Variants in TMEM272 observed in about 807,000 individuals in gnomAD.
The protein encoded by TMEM272 is transmembrane protein 272.
In TMEM272, 8 loss-of-function variants were observed where a neutral mutation model predicts 3.7. The ratio of observed to expected loss-of-function variants is 2.17; its 90% CI spans 1.27 to 3.91. TMEM272 has a LOEUF of 3.91. Among genes scored for constraint, TMEM272 ranks in the 30% most tolerant of loss-of-function variants. The pLI, the probability that TMEM272 is intolerant of heterozygous loss-of-function variation, is 0.00. For synonymous variants in TMEM272, 63 were observed against 39.8 expected (o/e 1.58, Z -2.20); for missense variants, 166 against 91.5 (o/e 1.81, Z -3.32).
At position 51,814,550 on chromosome 13, in the gene TMEM272, G is replaced by A. The variant is rs1955999215; in HGVS notation, c.*2201C>T. Reference sequence around the variant, plus strand: ...TAGCTCACTGTAACCTCAAACCAGGGAAGATGTATGACCTATACAAAGAGA... The same window carrying A: ...TAGCTCACTGTAACCTCAAACCAGGAAAGATGTATGACCTATACAAAGAGA... On this transcript the variant is annotated 3_prime_UTR_variant, in exon 5 of 5. Transcript: ENST00000629372. 6.6e-6 allele frequency: 1 copy of A among 152,236 alleles called. No individual in the cohort carries two copies. The highest frequency in any genetic ancestry group is 2.4e-5 in the African/African-American group (1 of 41,448). 9.4% of individuals were successfully genotyped at this position (152,236 alleles called of 1,614,324 possible).
chr13:51,920,960 C>A, the TMEM272 span, among the ~76,000 whole-genome samples: 3 of 152,218 alleles, frequency 2.0e-5, no homozygotes, highest in Non-Finnish European at 4.4e-5. Context: ...TTCCTGCACT[C>A]CAATTATGGA....
chr13:51,831,339 G>A (rs948250618), intron 2 of TMEM272, among the ~76,000 whole-genome samples: 18 of 152,126 alleles, frequency 1.2e-4, no homozygotes, highest in African/African-American at 3.1e-4. Flanking sequence ...TGGAAGGATC[G>A]CTTGAACCCA....
At chr13:51,924,160 TGGGA>T in the TMEM272 span, among the ~76,000 whole-genome samples, 3,453 of 152,294 alleles carry the variant, frequency 0.023, 53 homozygotes, top group Non-Finnish European at 0.037. Flanking sequence ...CATTCCTGTC[TGGGA>T]CTGGCCACCT....
the TMEM272 span, among the ~76,000 whole-genome samples, chr13:51,868,365 G>A: frequency 5.3e-5 from 8 of 152,244 alleles, no homozygotes; most frequent in African/African-American, 1.9e-4. Flanking sequence ...TCACTCGAGT[G>A]TGCTTTAAAC....
At chr13:51,893,749 T>C in the TMEM272 span, among the ~76,000 whole-genome samples, 1 of 152,200 alleles carries the variant, frequency 6.6e-6, no homozygotes, top group African/African-American at 2.4e-5. Flanking sequence ...AAATGTTTTT[T>C]ATTTAATTAA....
At chr13:51,878,416 C>T in the TMEM272 span, among the ~76,000 whole-genome samples, 3 of 151,960 alleles carry the variant, frequency 2.0e-5, no homozygotes, top group South Asian at 2.1e-4. Flanking sequence ...GGTGACAGAG[C>T]GAGACTCTGT....
At chr13:51,926,206 G>A in the TMEM272 span, among the ~76,000 whole-genome samples, 1 of 152,088 alleles carries the variant, frequency 6.6e-6, no homozygotes, top group African/African-American at 2.4e-5. Flanking sequence ...CTTGAGGCAG[G>A]CTCTGTGCCT....
At chr13:51,858,579 CAT>C in the TMEM272 span, among the ~76,000 whole-genome samples, 1 of 152,146 alleles carries the variant, frequency 6.6e-6, no homozygotes, top group Non-Finnish European at 1.5e-5. Context: ...CATATCAAAA[CAT>C]GTGAGACGCA....
chr13:51,825,703 A>G (rs1956118871), intron 3 of TMEM272, among the ~76,000 whole-genome samples: 1 of 149,506 alleles, frequency 6.7e-6, no homozygotes, highest in South Asian at 2.1e-4. Context: ...TGGCACGATC[A>G]TCCCACCTCA....
At chr13:51,901,250 A>G in the TMEM272 span, among the ~76,000 whole-genome samples, 4 of 152,186 alleles carry the variant, frequency 2.6e-5, no homozygotes, top group Non-Finnish European at 5.9e-5. Flanking sequence ...CACACACTTT[A>G]ATGAAGCACG....
the TMEM272 span, among the ~76,000 whole-genome samples, chr13:51,900,012 T>G: frequency 1.3e-5 from 2 of 152,160 alleles, no homozygotes; most frequent in African/African-American, 4.8e-5. Flanking sequence ...ATATGGGTCA[T>G]AGTCTTACAT....
At chr13:51,851,367 GGAA>G in the TMEM272 span, among the ~76,000 whole-genome samples, 4 of 147,200 alleles carry the variant, frequency 2.7e-5, no homozygotes, top group Non-Finnish European at 6.0e-5. Context: ...AGGAAGAAGA[GGAA>G]GAAGAGGAAG....
At chr13:51,840,659 G>A (rs1361498572) in intron 1 of TMEM272, among the ~76,000 whole-genome samples, 1 of 152,192 alleles carries the variant, frequency 6.6e-6, no homozygotes, top group Non-Finnish European at 1.5e-5. Flanking sequence ...CTGTTCTCCT[G>A]GAAGCAATTG....
chr13:51,910,793 G>A, the TMEM272 span, among the ~76,000 whole-genome samples: 2 of 152,364 alleles, frequency 1.3e-5, no homozygotes, highest in African/African-American at 4.8e-5. Context: ...GCACCCACAG[G>A]CCTGACAGGC....
the TMEM272 span, among the ~76,000 whole-genome samples, chr13:51,866,413 G>A: frequency 3.3e-5 from 5 of 152,128 alleles, no homozygotes; most frequent in Admixed American, 2.0e-4. Flanking sequence ...GGAGAGGCTC[G>A]GGCCATGCCA....
the TMEM272 span, among the ~76,000 whole-genome samples, chr13:51,887,375 C>A: frequency 6.6e-6 from 1 of 152,004 alleles, no homozygotes; most frequent in Admixed American, 6.6e-5. Flanking sequence ...GAATGGGGCC[C>A]CAAGATGGCA....
chr13:51,904,343 G>A, the TMEM272 span, among the ~76,000 whole-genome samples: 1 of 152,160 alleles, frequency 6.6e-6, no homozygotes, highest in Admixed American at 6.5e-5. Flanking sequence ...GATGACTGAT[G>A]ACTGCTTGGT....
At chr13:51,839,671 G>C (rs551099593) in intron 1 of TMEM272, among the ~76,000 whole-genome samples, 25 of 152,334 alleles carry the variant, frequency 1.6e-4, no homozygotes, top group Non-Finnish European at 3.4e-4. Flanking sequence ...GGCCGTGATG[G>C]GGAAGATTTG....
At chr13:51,884,935 T>C in the TMEM272 span, among the ~76,000 whole-genome samples, 1 of 152,344 alleles carries the variant, frequency 6.6e-6, no homozygotes, top group Non-Finnish European at 1.5e-5. Flanking sequence ...TCCATAGGGC[T>C]GGTGTAGGAT....
Sources: gnomAD v4.1 joint callset for allele counts (sites outside exome capture counted in the v4.1 genomes callset) on GRCh38, gnomAD v4.1.1 for gene constraint, MANE v1.5 for transcripts, NCBI Gene and HGNC (gene_info 2026-07-23, HGNC 2026-07-21) for gene names.